Variants in OSBPL10 observed in about 807,000 individuals in gnomAD.
OSBPL10 encodes oxysterol binding protein like 10.
A neutral mutation model predicts 81.7 loss-of-function variants in OSBPL10; 49 were observed. The ratio of observed to expected loss-of-function variants is 0.60; its 90% CI spans 0.48 to 0.76. The LOEUF is 0.76. Ranked by LOEUF, OSBPL10 falls within the 30% of genes least tolerant of loss-of-function variation. The pLI is 0.00. For synonymous variants in OSBPL10, 419 were observed against 383.6 expected, an observed-to-expected ratio of 1.09 and a Z score of -1.08; for missense variants, 923 against 987.8, an observed-to-expected ratio of 0.93 and a Z score of 0.88.
At chr3:31,891,283 C>T (rs1307724496) in intron 1 of OSBPL10, among the ~76,000 whole-genome samples, 1 of 152,084 alleles carries the variant, frequency 6.6e-6, no homozygotes, top group Non-Finnish European at 1.5e-5. Context: ...GCTTCCTGGG[C>T]CCCTCCCCCA....
intron 3 of OSBPL10, among the ~76,000 whole-genome samples, chr3:31,864,261 G>C (rs1054126040): frequency 6.6e-6 from 1 of 152,090 alleles, no homozygotes; most frequent in Non-Finnish European, 1.5e-5. Flanking sequence ...TTTTGAGATG[G>C]AGTCTCACTC....
At chr3:32,000,190 T>C (rs114878674) in intron 2 of OSBPL10, among the ~76,000 whole-genome samples, 1 of 152,312 alleles carries the variant, frequency 6.6e-6, no homozygotes, top group African/African-American at 2.4e-5. Flanking sequence ...TATACAAGTA[T>C]AAAGCCCTGC....
chr3:31,741,174 G>T (rs1697335463), intron 5 of OSBPL10, among the ~76,000 whole-genome samples: 1 of 152,166 alleles, frequency 6.6e-6, no homozygotes, highest in African/African-American at 2.4e-5. Flanking sequence ...AATAGAATAA[G>T]ATTGAAATTC....
intron 9 of OSBPL10, among the ~76,000 whole-genome samples, chr3:31,669,773 A>G (rs1700280042): frequency 1.3e-5 from 2 of 152,222 alleles, no homozygotes; most frequent in South Asian, 4.1e-4. Context: ...AGCCATGTGT[A>G]GGATCTAAAC....
chr3:31,912,080 T>A (rs976367399), intron 1 of OSBPL10, among the ~76,000 whole-genome samples: 6 of 151,600 alleles, frequency 4.0e-5, no homozygotes, highest in African/African-American at 1.5e-4. Flanking sequence ...TATTTTACCA[T>A]AATAAAACAA....
At chr3:31,901,052 C>G (rs542800656) in intron 1 of OSBPL10, among the ~76,000 whole-genome samples, 3 of 152,160 alleles carry the variant, frequency 2.0e-5, no homozygotes, top group Non-Finnish European at 4.4e-5. Context: ...AGACATTAAA[C>G]GAAAATAGAT....
At chr3:31,663,386 C>G in intron 11 of OSBPL10, 3 of 986,074 alleles carry the variant, frequency 3.0e-6, no homozygotes, top group Non-Finnish European at 3.6e-6. Context: ...TCCTGTGGGC[C>G]TGCTTTAAGA....
At chr3:32,013,555 A>G (rs1308067848) in intron 2 of OSBPL10, among the ~76,000 whole-genome samples, 2 of 152,236 alleles carry the variant, frequency 1.3e-5, no homozygotes, top group African/African-American at 4.8e-5. Context: ...AAGAGTAATC[A>G]CATTCAAAAG....
intron 9 of OSBPL10, among the ~76,000 whole-genome samples, chr3:31,669,850 C>T (rs1231791663): frequency 6.6e-6 from 1 of 152,186 alleles, no homozygotes; most frequent in Non-Finnish European, 1.5e-5. Context: ...GAGGCTTTCT[C>T]CTTGAGCCTA....
At chr3:31,785,305 A>G (rs1194382139) in intron 4 of OSBPL10, among the ~76,000 whole-genome samples, 1 of 152,248 alleles carries the variant, frequency 6.6e-6, no homozygotes, top group South Asian at 2.1e-4. Flanking sequence ...GTGTATACAT[A>G]TACATAAACT....
intron 3 of OSBPL10, among the ~76,000 whole-genome samples, chr3:31,832,351 C>T (rs1193331957): frequency 6.6e-6 from 1 of 152,088 alleles, no homozygotes; most frequent in Non-Finnish European, 1.5e-5. Context: ...TCACTTTGAA[C>T]TATACGTATG....
chr3:31,664,050 A>G (rs1348934155), intron 11 of OSBPL10, 29 bp downstream of exon 11: 3 of 1,613,986 alleles, frequency 1.9e-6, no homozygotes, highest in Non-Finnish European at 2.5e-6. Context: ...TCTCCTGGGC[A>G]AGGGACCAAT....
At chr3:31,841,175 G>C (rs995420996) in intron 3 of OSBPL10, among the ~76,000 whole-genome samples, 18 of 152,302 alleles carry the variant, frequency 1.2e-4, no homozygotes, top group African/African-American at 4.1e-4. Context: ...CCAAAGTGTT[G>C]GGATTATAGG....
intron 1 of OSBPL10, among the ~76,000 whole-genome samples, chr3:31,935,428 T>C (rs1697356968): frequency 6.6e-6 from 1 of 152,116 alleles, no homozygotes; most frequent in Admixed American, 6.5e-5. Flanking sequence ...GAACAGCCTG[T>C]TGAAACAGCA....
intron 3 of OSBPL10, among the ~76,000 whole-genome samples, chr3:31,874,755 G>A (rs1701409114): frequency 6.6e-6 from 1 of 152,120 alleles, no homozygotes; most frequent in Admixed American, 6.5e-5. Flanking sequence ...ACTGGTGGGA[G>A]TACAAATAAC....
intron 6 of OSBPL10, chr3:31,721,548 A>C (rs866208271): frequency 6.6e-6 from 1 of 152,200 alleles, no homozygotes; most frequent in African/African-American, 2.4e-5. Context: ...TACCCTGATA[A>C]TTATTAAATT....
Position 31,853,474 on chromosome 3 carries a change from T to C in OSBPL10, c.537+22959A>G, listed in dbSNP as rs150277579. ...TAATTTGTACCACAGGCAAGAGTGG[T>C]AGGGAAGGTCAATGCTGGGCAGAAA... On this transcript the variant is annotated intron_variant, in intron 3 of 11. Transcript: ENST00000396556. Among the ~76,000 whole-genome samples, 1,169 of 152,130 alleles carry C rather than the reference T, an allele frequency of 7.7e-3. 3 individuals carry two copies. Among genetic ancestry groups the C allele is most frequent in the Non-Finnish European group, 0.013 (863 of 68,012 alleles).
chr3:31,740,106 C>T (rs991524349), intron 5 of OSBPL10, among the ~76,000 whole-genome samples: 8 of 149,898 alleles, frequency 5.3e-5, no homozygotes, highest in South Asian at 4.2e-4. Flanking sequence ...TGCAGTGGCA[C>T]GATTGCAGCT....
At chr3:31,879,204 G>A (rs1310798343) in intron 2 of OSBPL10, among the ~76,000 whole-genome samples, 1 of 152,120 alleles carries the variant, frequency 6.6e-6, no homozygotes. Flanking sequence ...CAGGCTCTAC[G>A]ACAGTGGATT....
Sources: allele counts gnomAD v4.1 joint callset (sites outside exome capture counted in the v4.1 genomes callset), GRCh38; gene constraint gnomAD v4.1.1; transcripts MANE v1.5; gene names NCBI Gene and HGNC (gene_info 2026-07-23, HGNC 2026-07-21).